Variants in TEAD1 observed in about 807,000 individuals in gnomAD.
The protein encoded by TEAD1 is transcriptional enhancer factor TEF-1.
Under a neutral mutation model 54.9 loss-of-function variants are expected in TEAD1, and 9 were observed. The observed-to-expected ratio is 0.16, with a 90% CI of 0.10 to 0.29. The LOEUF (loss-of-function observed/expected upper bound fraction) is 0.29, where lower values mean the gene tolerates loss of function less well. TEAD1 is among the 10% of genes least tolerant of loss of function. The pLI, the probability that TEAD1 is intolerant of heterozygous loss-of-function variation, is 1.00. For synonymous variants in TEAD1, 200 were observed against 187.8 expected (o/e 1.07, Z -0.53); for missense variants, 387 against 535.9 (o/e 0.72, Z 2.74).
intron 2 of TEAD1, among the ~76,000 whole-genome samples, chr11:12,736,952 C>G (rs1470927399): frequency 1.3e-5 from 2 of 152,120 alleles, no homozygotes; most frequent in African/African-American, 4.8e-5. Context: ...ACATTTGTAT[C>G]TATATGTATG....
chr11:12,830,626 C>T (rs1010514733), intron 3 of TEAD1, among the ~76,000 whole-genome samples: 8 of 152,166 alleles, frequency 5.3e-5, no homozygotes, highest in Non-Finnish European at 1.0e-4. Flanking sequence ...AAATCTAGAA[C>T]GTGCTCATCC....
At chr11:12,856,228 C>T (rs1275035761) in intron 3 of TEAD1, among the ~76,000 whole-genome samples, 1 of 151,468 alleles carries the variant, frequency 6.6e-6, no homozygotes, top group Non-Finnish European at 1.5e-5. Context: ...TGACTCGGTC[C>T]ATAAATGTTG....
chr11:12,892,977 T>G (rs573946664), intron 9 of TEAD1, among the ~76,000 whole-genome samples: 1 of 152,294 alleles, frequency 6.6e-6, no homozygotes, highest in East Asian at 1.9e-4. Flanking sequence ...ATTGACTGTT[T>G]CATTTGACCT....
At chr11:12,887,097 G>GGTT (rs1948105454) in intron 9 of TEAD1, among the ~76,000 whole-genome samples, 1 of 112,826 alleles carries the variant, frequency 8.9e-6, no homozygotes, top group African/African-American at 3.4e-5. Flanking sequence ...TTTTTTGTTT[G>GGTT]TTTTTTTTTT....
chr11:12,721,730 C>G (rs1428365750), intron 2 of TEAD1, among the ~76,000 whole-genome samples: 7 of 152,194 alleles, frequency 4.6e-5, no homozygotes, highest in South Asian at 4.1e-4. Context: ...AGATCACTCT[C>G]TTGTGTTCTT....
intron 10 of TEAD1, chr11:12,923,002 C>A (rs891730040): frequency 6.6e-6 from 1 of 151,358 alleles, no homozygotes; most frequent in Non-Finnish European, 1.5e-5. Context: ...ATCCACGTAC[C>A]TCTGCTTCAA....
chr11:12,691,390 T>C lies in TEAD1; in HGVS notation c.-55+15829T>C, dbSNP rs971778053. On this transcript the variant is annotated intron_variant, in intron 2 of 12. Transcript: ENST00000527636. ...AGTTTGGGTTCCTTTTAGTGAGAAA[T>C]GGAGTTTCTAGGCTATGATGTGTGT... Among the ~76,000 whole-genome samples, 7 of 152,272 alleles carry C rather than the reference T, an allele frequency of 4.6e-5. No homozygotes were observed. The South Asian group carries it at 1.2e-3, about 27-fold the overall frequency.
At chr11:12,691,833 G>A (rs971894092) in intron 2 of TEAD1, among the ~76,000 whole-genome samples, 4 of 152,038 alleles carry the variant, frequency 2.6e-5, no homozygotes, top group Non-Finnish European at 4.4e-5. Flanking sequence ...GCTGTATTTC[G>A]ATGGTATTGT....
At chr11:12,821,932 C>A (rs1946554421) in intron 3 of TEAD1, among the ~76,000 whole-genome samples, 1 of 145,500 alleles carries the variant, frequency 6.9e-6, no homozygotes. Context: ...TTCCTCTTTT[C>A]CTATACTCTC....
At chr11:12,683,804 G>A (rs956184948) in intron 2 of TEAD1, among the ~76,000 whole-genome samples, 1 of 152,168 alleles carries the variant, frequency 6.6e-6, no homozygotes, top group Non-Finnish European at 1.5e-5. Flanking sequence ...ACAGTGGGCT[G>A]TTTCCTGATT....
chr11:12,674,898 G>A (rs1943041793), intron 1 of TEAD1, 64 bp downstream of exon 1: 1 of 146,948 alleles, frequency 6.8e-6, no homozygotes, highest in Middle Eastern at 3.3e-3. Context: ...GGGGGCCGGC[G>A]GCGCGTCCCT....
intron 3 of TEAD1, among the ~76,000 whole-genome samples, chr11:12,806,010 A>T (rs927900810): frequency 1.3e-5 from 2 of 152,162 alleles, no homozygotes; most frequent in Non-Finnish European, 2.9e-5. Flanking sequence ...CAGCACTTTC[A>T]TGTTTAAATG....
chr11:12,812,335 A>G (rs577320995), intron 3 of TEAD1, among the ~76,000 whole-genome samples: 1 of 152,192 alleles, frequency 6.6e-6, no homozygotes, highest in Non-Finnish European at 1.5e-5. Flanking sequence ...CATAGCATGC[A>G]TGATTGATCC....
At chr11:12,779,251 G>A (rs1945495682) in intron 3 of TEAD1, among the ~76,000 whole-genome samples, 1 of 152,142 alleles carries the variant, frequency 6.6e-6, no homozygotes, top group Admixed American at 6.5e-5. Flanking sequence ...AATGAACTAA[G>A]TAAACTCTCA....
chr11:12,797,879 T>A (rs1436076905), intron 3 of TEAD1, among the ~76,000 whole-genome samples: 2 of 152,214 alleles, frequency 1.3e-5, no homozygotes, highest in Non-Finnish European at 2.9e-5. Flanking sequence ...CTGTAGGGAC[T>A]GATCAGTCCC....
At chr11:12,884,165 C>T (rs1948037450) in intron 9 of TEAD1, among the ~76,000 whole-genome samples, 1 of 152,062 alleles carries the variant, frequency 6.6e-6, no homozygotes, top group Non-Finnish European at 1.5e-5. Context: ...CCCATTGTTT[C>T]TCAGCCAGGC....
At chr11:12,928,608 C>A (rs574146007) in intron 11 of TEAD1, among the ~76,000 whole-genome samples, 1,608 of 152,222 alleles carry the variant, frequency 0.011, 19 homozygotes, top group African/African-American at 0.037. Flanking sequence ...AAATTTCAGT[C>A]TTGAATGTAC....
chr11:12,734,933 C>T (rs1005109732), intron 2 of TEAD1, among the ~76,000 whole-genome samples: 21 of 152,104 alleles, frequency 1.4e-4, no homozygotes, highest in African/African-American at 4.8e-4. Context: ...CACAAACACA[C>T]CGCCATATAT....
chr11:12,934,315 A>C (rs1212082136), intron 12 of TEAD1, among the ~76,000 whole-genome samples: 3 of 151,978 alleles, frequency 2.0e-5, no homozygotes, highest in Admixed American at 2.0e-4. Flanking sequence ...GCATGTTCTC[A>C]CTCATAGGTG....
Sources: allele counts gnomAD v4.1 joint callset (sites outside exome capture counted in the v4.1 genomes callset), GRCh38; gene constraint gnomAD v4.1.1; transcripts MANE v1.5; gene names NCBI Gene and HGNC (gene_info 2026-07-23, HGNC 2026-07-21).